The following GLDC variants were observed in gnomAD, a reference collection of about 807,000 sequenced individuals.
The protein encoded by GLDC is glycine dehydrogenase (decarboxylating), mitochondrial.
A neutral mutation model predicts 121.3 loss-of-function variants in GLDC; 104 were observed. That is an observed-to-expected ratio of 0.86 (90% CI 0.73 to 1.01). The LOEUF (loss-of-function observed/expected upper bound fraction) is 1.01, where lower values mean the gene tolerates loss of function less well. Ranked by LOEUF, GLDC falls within the 50% of genes least tolerant of loss-of-function variation. The probability of loss-of-function intolerance (pLI) is 0.00; values close to 1 mark genes in which losing one functional copy is unlikely to be tolerated. For synonymous variants in GLDC, 546 were observed against 480.6 expected, an observed-to-expected ratio of 1.14 and a Z score of -1.78; for missense variants, 1,429 against 1,306.6, an observed-to-expected ratio of 1.09 and a Z score of -1.44.
intron 11 of GLDC, among the ~76,000 whole-genome samples, chr9:6,591,295 C>G (rs1818369801): frequency 6.6e-6 from 1 of 152,190 alleles, no homozygotes; most frequent in Non-Finnish European, 1.5e-5. Context: ...CTAGATAACT[C>G]CTGCTTATCT....
At chr9:6,622,914 A>G (rs76147741) in intron 2 of GLDC, 17,302 of 202,168 alleles carry the variant, frequency 0.086, 977 homozygotes, top group Admixed American at 0.13. Flanking sequence ...GGATGTGAGG[A>G]GCACCTCTGC....
chr9:6,637,881 G>C (rs1819539165), intron 2 of GLDC, among the ~76,000 whole-genome samples: 1 of 150,130 alleles, frequency 6.7e-6, no homozygotes. Flanking sequence ...TTTTTTCAAA[G>C]AGACAGGATG....
intron 16 of GLDC, among the ~76,000 whole-genome samples, chr9:6,563,585 G>C (rs1182164206): frequency 6.6e-6 from 1 of 152,192 alleles, no homozygotes; most frequent in African/African-American, 2.4e-5. Flanking sequence ...TGGACACCTG[G>C]AGCTCCAAAG....
intron 22 of GLDC, among the ~76,000 whole-genome samples, chr9:6,538,578 C>T (rs1249219969): frequency 6.6e-6 from 1 of 152,172 alleles, no homozygotes; most frequent in East Asian, 1.9e-4. Context: ...CTACTATGTG[C>T]CAGGCACCTG....
Position 6,610,260 on chromosome 9 carries a change from C to T in GLDC, c.567G>A (p.Leu189=). The change falls in exon 4 of 25, where the codon CTG becomes CTA. Residue 189 remains leucine (L), a synonymous_variant. Coordinates refer to ENST00000321612, the MANE Select transcript of GLDC (RefSeq NM_000170.3). ...YQTMVCDITG[L]DMANASLLDE... ...CCAGCAGGGATGCATTGGCCATGTC[C>T]AGGCCTGTGATGTCACACACCATGG... The T allele has an allele frequency of 6.2e-7, 1 of 1,614,042 alleles. No individual in the cohort carries two copies. The highest frequency in any genetic ancestry group is 8.5e-7 in the Non-Finnish European group (1 of 1,179,950).
chr9:6,556,605 C>T (rs1368356992), intron 17 of GLDC, among the ~76,000 whole-genome samples: 1 of 152,056 alleles, frequency 6.6e-6, no homozygotes, highest in African/African-American at 2.4e-5. Flanking sequence ...CCAGCCTGGC[C>T]AACATGGTGA....
At chr9:6,605,802 G>A (rs181890251) in intron 5 of GLDC, 11 of 215,684 alleles carry the variant, frequency 5.1e-5, no homozygotes, top group East Asian at 3.4e-4. Flanking sequence ...TGGTTGTTGC[G>A]AGGATTGTTT....
chr9:6,563,953 A>G (rs1817805625), intron 16 of GLDC, among the ~76,000 whole-genome samples: 1 of 148,898 alleles, frequency 6.7e-6, no homozygotes, highest in African/African-American at 2.5e-5. Context: ...CTATGAAGAG[A>G]AAAAAAAAAG....
At chr9:6,644,843 A>T (rs1267084004) in intron 1 of GLDC, 151 bp from the exon 2 acceptor site, 1 of 685,342 alleles carries the variant, frequency 1.5e-6, no homozygotes, top group Non-Finnish European at 2.6e-6. Flanking sequence ...GCAAGCCAGA[A>T]TGATTTGGAG....
intron 9 of GLDC, among the ~76,000 whole-genome samples, chr9:6,594,539 T>G (rs1818449756): frequency 6.6e-6 from 1 of 151,922 alleles, no homozygotes; most frequent in Admixed American, 6.6e-5. Flanking sequence ...CTACCAAAAA[T>G]ACAAAAATTA....
chr9:6,547,317 T>TG (rs1404589092), intron 21 of GLDC, among the ~76,000 whole-genome samples: 1 of 152,136 alleles, frequency 6.6e-6, no homozygotes, highest in African/African-American at 2.4e-5. Flanking sequence ...ACAGAACAGA[T>TG]GGGGGAACAC....
chr9:6,544,428 G>C (rs529683487), intron 21 of GLDC, among the ~76,000 whole-genome samples: 3 of 152,288 alleles, frequency 2.0e-5, no homozygotes, highest in Admixed American at 2.0e-4. Context: ...CAGAAGACCT[G>C]AGGTCAAGAT....
intron 15 of GLDC, among the ~76,000 whole-genome samples, chr9:6,584,762 G>C (rs1008565099): frequency 3.3e-5 from 5 of 152,148 alleles, no homozygotes; most frequent in African/African-American, 1.2e-4. Flanking sequence ...CCCCTGCCAT[G>C]CTCAAATCAG....
intron 2 of GLDC, chr9:6,622,996 GGGGTCAGCCCCTGCCC>G (rs1819146401): frequency 1.2e-5 from 2 of 171,712 alleles, no homozygotes; most frequent in African/African-American, 5.9e-5. Flanking sequence ...AGGGAGGTGG[GGGGTCAGCCCCTGCCC>G]GGCCAGCCGC....
chr9:6,637,124 C>T (rs1047486171), intron 2 of GLDC, among the ~76,000 whole-genome samples: 4 of 150,692 alleles, frequency 2.7e-5, no homozygotes, highest in Middle Eastern at 3.5e-3. Flanking sequence ...CAATGGCTCA[C>T]GCCTGTAATG....
At chr9:6,551,296 T>G (rs979687019) in intron 20 of GLDC, among the ~76,000 whole-genome samples, 2 of 152,222 alleles carry the variant, frequency 1.3e-5, no homozygotes, top group African/African-American at 4.8e-5. Flanking sequence ...AGGAATCCGA[T>G]GGGATCTGGG....
intron 16 of GLDC, among the ~76,000 whole-genome samples, chr9:6,559,014 G>T (rs901315475): frequency 6.6e-6 from 1 of 152,122 alleles, no homozygotes; most frequent in East Asian, 1.9e-4. Context: ...CACCTTAGAA[G>T]AACATGAGAC....
At position 6,589,239 on chromosome 9, in the gene GLDC, C is replaced by T. The variant is rs370403481; in HGVS notation, c.1536G>A (p.Val512=). 26 of 1,611,742 alleles carry T rather than the reference C, an allele frequency of 1.6e-5. No individual in the cohort carries two copies. The highest frequency in any genetic ancestry group is 2.1e-5 in the Non-Finnish European group (25 of 1,177,872). Residue 512 remains valine, a synonymous_variant, in exon 12 of 25, where the codon GTG becomes GTA. Coordinates refer to ENST00000321612, the MANE Select transcript of GLDC (RefSeq NM_000170.3). ...TGAGGAACGGGCTGGTCCTCTTGAA[C>T]ACAGACCCTGGAATACCTCTGCACT... ...GEECRGIPGS[V]FKRTSPFLTH...
chr9:6,546,239 C>A (rs1229744934), intron 21 of GLDC, among the ~76,000 whole-genome samples: 1 of 152,160 alleles, frequency 6.6e-6, no homozygotes, highest in East Asian at 1.9e-4. Flanking sequence ...GTCACCCAGG[C>A]TGGAGTGCAG....
Sources: gnomAD v4.1 joint callset for allele counts (sites outside exome capture counted in the v4.1 genomes callset) on GRCh38, gnomAD v4.1.1 for gene constraint, MANE v1.5 for transcripts, NCBI Gene and HGNC (gene_info 2026-07-23, HGNC 2026-07-21) for gene names.